MARCHF1: variants seen among roughly 807,000 people sequenced by gnomAD.
MARCHF1 encodes the protein E3 ubiquitin-protein ligase MARCHF1.
MARCHF1 carries 40 observed loss-of-function variants against 54.2 expected under a neutral mutation model. The ratio of observed to expected loss-of-function variants is 0.74; its 90% confidence interval spans 0.57 to 0.96. MARCHF1 has a LOEUF of 0.96. Ranked by LOEUF, MARCHF1 falls within the 40% of genes least tolerant of loss-of-function variation. The pLI, the probability that MARCHF1 is intolerant of heterozygous loss-of-function variation, is 0.00. For synonymous variants in MARCHF1, 236 were observed against 236.3 expected (o/e 1.00, Z 0.01); for missense variants, 586 against 656.5 (o/e 0.89, Z 1.17).
chr4:163,672,839 C>G (rs1743783003), intron 5 of MARCHF1, among the ~76,000 whole-genome samples: 1 of 152,300 alleles, frequency 6.6e-6, no homozygotes, highest in East Asian at 1.9e-4. Context: ...TCCTGCATCC[C>G]TTGGCTCATG....
At chr4:163,855,131 G>T (rs535395701) in intron 3 of MARCHF1, among the ~76,000 whole-genome samples, 145 of 152,216 alleles carry the variant, frequency 9.5e-4, no homozygotes, top group African/African-American at 2.9e-3. Context: ...AAGAACGGTT[G>T]CACTAACAGA....
At chr4:163,755,078 G>A (rs146489402) in intron 4 of MARCHF1, among the ~76,000 whole-genome samples, 134 of 152,284 alleles carry the variant, frequency 8.8e-4, no homozygotes, top group African/African-American at 3.0e-3. Context: ...TAGGGGTGTG[G>A]TGGTGGTGCC....
chr4:163,574,650 C>A (rs965897963), intron 8 of MARCHF1, among the ~76,000 whole-genome samples: 1 of 151,200 alleles, frequency 6.6e-6, no homozygotes, highest in Admixed American at 6.6e-5. Flanking sequence ...TTTCTGAGGG[C>A]TCTGTTCTGT....
chr4:164,140,771 T>TACAC (rs35269297), intron 1 of MARCHF1, among the ~76,000 whole-genome samples: 1 of 136,760 alleles, frequency 7.3e-6, no homozygotes, highest in Admixed American at 7.4e-5. Context: ...CATACATACA[T>TACAC]ACACACACAC....
chr4:164,197,021 G>A, intron 1 of MARCHF1: 2 of 1,605,112 alleles, frequency 1.2e-6, no homozygotes, highest in Middle Eastern at 1.7e-4. Flanking sequence ...TTTCGCTTCT[G>A]ACCCCTTTCT....
At chr4:163,939,161 G>T (rs549468901) in intron 3 of MARCHF1, among the ~76,000 whole-genome samples, 2 of 152,212 alleles carry the variant, frequency 1.3e-5, no homozygotes, top group East Asian at 1.9e-4. Context: ...ACAATAAATA[G>T]AACTCTCAGT....
chr4:163,847,967 G>C (rs993343985), intron 4 of MARCHF1, among the ~76,000 whole-genome samples: 1 of 152,086 alleles, frequency 6.6e-6, no homozygotes, highest in Non-Finnish European at 1.5e-5. Context: ...AAAATTAGAA[G>C]ACCTAAATTC....
intron 4 of MARCHF1, among the ~76,000 whole-genome samples, chr4:163,750,984 T>G (rs1302334420): frequency 6.6e-6 from 1 of 152,152 alleles, no homozygotes; most frequent in Non-Finnish European, 1.5e-5. Context: ...TGATAAAAAT[T>G]ATTTTCAAAA....
intron 3 of MARCHF1, among the ~76,000 whole-genome samples, chr4:163,974,920 A>G (rs911518889): frequency 6.6e-6 from 1 of 152,186 alleles, no homozygotes; most frequent in African/African-American, 2.4e-5. Context: ...CCCTCATCCA[A>G]TTAATTGAAG....
intron 2 of MARCHF1, among the ~76,000 whole-genome samples, chr4:163,989,726 T>A (rs905321820): frequency 7.2e-5 from 11 of 152,214 alleles, no homozygotes; most frequent in Non-Finnish European, 2.9e-5. Flanking sequence ...GCATGATTAT[T>A]CCCTCTTTTT....
intron 1 of MARCHF1, among the ~76,000 whole-genome samples, chr4:164,230,168 G>A (rs778585682): frequency 1.2e-4 from 19 of 152,110 alleles, no homozygotes; most frequent in Non-Finnish European, 2.4e-4. Flanking sequence ...GGCTGAGGCA[G>A]GTGGATCACC....
At chr4:164,002,435 C>T (rs898171242) in intron 2 of MARCHF1, among the ~76,000 whole-genome samples, 1 of 151,380 alleles carries the variant, frequency 6.6e-6, no homozygotes, top group African/African-American at 2.4e-5. Context: ...AATAAAAATT[C>T]ACTATGTAAA....
At chr4:164,017,535 G>A (rs1753569302) in intron 2 of MARCHF1, among the ~76,000 whole-genome samples, 1 of 151,706 alleles carries the variant, frequency 6.6e-6, no homozygotes, top group Admixed American at 6.6e-5. Flanking sequence ...CAAACAATAA[G>A]AAGCTATAAT....
intron 3 of MARCHF1, among the ~76,000 whole-genome samples, chr4:163,929,030 C>A: frequency 6.6e-6 from 1 of 151,886 alleles, no homozygotes; most frequent in East Asian, 1.9e-4. Flanking sequence ...TATACCAAAA[C>A]ATATTTGAGA....
intron 3 of MARCHF1, among the ~76,000 whole-genome samples, chr4:163,910,115 C>T (rs1751158804): frequency 6.6e-6 from 1 of 152,072 alleles, no homozygotes; most frequent in East Asian, 1.9e-4. Context: ...GAACAAAATC[C>T]TCAGCTTGTG....
intron 1 of MARCHF1, among the ~76,000 whole-genome samples, chr4:164,337,322 A>G (rs1002431018): frequency 1.3e-5 from 2 of 152,202 alleles, no homozygotes; most frequent in African/African-American, 4.8e-5. Context: ...CATTTAAAAA[A>G]GCTAAAAAAT....
intron 4 of MARCHF1, among the ~76,000 whole-genome samples, chr4:163,727,978 A>C (rs1197608836): frequency 6.6e-6 from 1 of 152,116 alleles, no homozygotes; most frequent in Non-Finnish European, 1.5e-5. Context: ...AGAAAAGACT[A>C]TCTTTGTTCC....
chr4:163,529,193 G>T, intron 9 of MARCHF1, 147 bp from the exon 10 acceptor site: 1 of 642,784 alleles, frequency 1.6e-6, no homozygotes, highest in Non-Finnish European at 2.7e-6. Context: ...TAACTAGAAA[G>T]AATTATAACC....
chr4:164,127,660 G>C (rs1047090028), intron 1 of MARCHF1, among the ~76,000 whole-genome samples: 3 of 152,050 alleles, frequency 2.0e-5, no homozygotes, highest in African/African-American at 7.2e-5. Context: ...TAGAAGTGAT[G>C]AGAACAATAA....
Sources: allele counts gnomAD v4.1 joint callset (sites outside exome capture counted in the v4.1 genomes callset), GRCh38; gene constraint gnomAD v4.1.1; transcripts MANE v1.5; gene names NCBI Gene and HGNC (gene_info 2026-07-23, HGNC 2026-07-21).